ACY3: variants seen among roughly 807,000 people sequenced by gnomAD.
The protein encoded by ACY3 is N-acyl-aromatic-L-amino acid amidohydrolase (carboxylate-forming).
Under a neutral mutation model 24.6 loss-of-function variants are expected in ACY3, and 20 were observed. That is an observed-to-expected ratio of 0.81 (90% CI 0.57 to 1.18). The LOEUF (loss-of-function observed/expected upper bound fraction) is 1.18, where lower values mean the gene tolerates loss of function less well. Among genes scored for constraint, ACY3 ranks in the 50% most tolerant of loss-of-function variants. The pLI, the probability that ACY3 is intolerant of heterozygous loss-of-function variation, is 0.00. For missense variants in ACY3, 423 were observed against 426.8 expected, an observed-to-expected ratio of 0.99 and a Z score of 0.08; for synonymous variants, 174 against 188.4, an observed-to-expected ratio of 0.92 and a Z score of 0.62.
At chr11:67,648,455 T>C (rs571971725) in intron 1 of ACY3, among the ~76,000 whole-genome samples, 23 of 151,954 alleles carry the variant, frequency 1.5e-4, no homozygotes, top group Non-Finnish European at 2.9e-4. Context: ...GGCCTCTACC[T>C]CCCACCAGGC....
chr11:67,645,584 T>C (rs1591130944), intron 4 of ACY3, 108 bp downstream of exon 4: 1 of 1,392,774 alleles, frequency 7.2e-7, no homozygotes, highest in Non-Finnish European at 9.6e-7. Context: ...CAGGGGAAAC[T>C]AGGCCCGGGG....
In ACY3 at chr11:67,645,801, G is replaced by T. The variant is rs1855505570; in HGVS notation, c.323C>A (p.Ala108Asp). ...QLLGPKASGQ[A>D]FDFVLDLHNT... ...GTGCAGGTCAAGGACAAAGTCAAAG[G>T]CCTGGCCCGAGGCCTTGGGCCCCAG... Residue 108 changes from alanine (A) to aspartate (D), a missense_variant, in exon 4 of 8, where the codon GCC becomes GAC. By Grantham distance (126) the Ala-to-Asp change is moderately radical. Coordinates refer to ENST00000255082, the MANE Select transcript of ACY3 (RefSeq NM_080658.2). 1 of 1,613,894 alleles carries T rather than the reference G, an allele frequency of 6.2e-7. No homozygotes were observed. The highest frequency in any genetic ancestry group is 1.3e-5 in the African/African-American group (1 of 74,906).
rs777058561 is a variant in ACY3 at position 67,644,866 on chromosome 11, G to T, written c.638C>A (p.Thr213Lys). ...LDFIELFNQGTAFPAFEMEAY... is the reference protein window; with the variant it reads ...LDFIELFNQGKAFPAFEMEAY... Reference sequence around the variant, plus strand: ...TTCCATCTCAAAGGCAGGAAAGGCCGTACCTGTGTGGGAGGCTGGGTGTGT... The same window carrying T: ...TTCCATCTCAAAGGCAGGAAAGGCCTTACCTGTGTGGGAGGCTGGGTGTGT... The change falls in exon 7 of 8, where the codon ACG becomes AAG. Residue 213 changes from threonine (T) to lysine (K), a missense_variant. Thr to Lys is a moderately conservative substitution (Grantham distance 78). Coordinates refer to ENST00000255082, the MANE Select transcript of ACY3 (RefSeq NM_080658.2). 7 of 1,605,346 alleles carry T rather than the reference G, an allele frequency of 4.4e-6. No homozygotes were observed. The South Asian group carries it at 7.7e-5, about 18-fold the overall frequency.
At chr11:67,649,298 G>T (rs140497159) in intron 1 of ACY3, among the ~76,000 whole-genome samples, 294 of 152,328 alleles carry the variant, frequency 1.9e-3, no homozygotes, top group Non-Finnish European at 3.1e-3. Flanking sequence ...GTACCTCTCA[G>T]GAAGGAAGGG....
chr11:67,643,996 A>G (rs1327779949), intron 7 of ACY3, among the ~76,000 whole-genome samples: 3 of 152,204 alleles, frequency 2.0e-5, no homozygotes, highest in African/African-American at 7.2e-5. Context: ...TTCTGTCTCA[A>G]AAAATAATAA....
At chr11:67,645,514 G>T in intron 4 of ACY3, 134 bp from the exon 5 acceptor site, 1 of 1,236,770 alleles carries the variant, frequency 8.1e-7, no homozygotes. Flanking sequence ...TGGCAGGGTA[G>T]GGGAGGGGGT....
rs1855501791 is a variant in ACY3, at chr11:67,645,691, C to T, written c.432+1G>A. On this transcript the variant is annotated splice_donor_variant, in intron 4 of 7. Coordinates refer to ENST00000255082, the MANE Select transcript of ACY3 (RefSeq NM_080658.2). LOFTEE classifies it high-confidence loss of function. ...AGCTGTGTGCTTGGGGCCGGGGCCA[C>T]CTGCAGATGGCGGCACAGGTGCATG... is the stretch of plus-strand genomic sequence containing the variant. The T allele has an allele frequency of 6.3e-7, 1 of 1,597,984 alleles. No homozygotes were observed. The highest frequency in any genetic ancestry group is 1.3e-5 in the African/African-American group (1 of 74,608).
chr11:67,650,415 C>G (rs1379190472), intron 1 of ACY3, among the ~76,000 whole-genome samples, 168 bp downstream of exon 1: 1 of 152,314 alleles, frequency 6.6e-6, no homozygotes, highest in African/African-American at 2.4e-5. Flanking sequence ...ATAAAATCCC[C>G]TATTAAATCC....
At position 67,644,732 on chromosome 11, in the gene ACY3, CCACA is replaced by C. The variant is rs3223257; in HGVS notation, c.744+24_744+27del. On this transcript the variant is annotated intron_variant, in intron 7 of 7. Transcript: ENST00000255082. ...CTGTGGCCCCAGAAATCACCCCCCA[CCACA>C]CACACACACACACACACACACACCT... The C allele has an allele frequency of 0.014, 18,818 of 1,312,456 alleles. 1,026 individuals carry two copies. In the African/African-American group the frequency reaches 0.2, roughly 14 times the overall value. The allele number at this position is 1,312,456 out of a possible 1,614,324, so 81.3% of individuals were successfully genotyped here.
In ACY3 at chr11:67,646,879, C is replaced by CCGGATGT. The variant is rs1855527214; in HGVS notation, c.164_165insACATCCG (p.Ala56HisfsTer15). 38 of 1,612,352 alleles carry CCGGATGT rather than the reference C, an allele frequency of 2.4e-5. No homozygotes were observed. The highest frequency in any genetic ancestry group is 3.1e-5 in the Non-Finnish European group (37 of 1,179,792). On this transcript the variant is annotated frameshift_variant, in exon 3 of 8. Transcript: ENST00000255082. LOFTEE classifies it high-confidence loss of function. ...AGCGGCGGCAGCCGGATGTGGCTGC[C>CCGGATGT]GGGTTGGCCAGCACAGGCACAGCGG... is the stretch of plus-strand genomic sequence containing the variant.
At chr11:67,650,171 G>T (rs2514042) in intron 1 of ACY3, among the ~76,000 whole-genome samples, 10,346 of 152,124 alleles carry the variant, frequency 0.068, 1,194 homozygotes, top group African/African-American at 0.24. Flanking sequence ...GCATCATCAC[G>T]GGGGCCAATT....
rs778527598 is a variant in ACY3, at chr11:67,645,256, C to T, written c.526+31G>A. 7 of 1,612,458 alleles carry T rather than the reference C, an allele frequency of 4.3e-6. No homozygotes were observed. The Admixed American group carries it at 1.0e-4, about 23-fold the overall frequency. ...GACCCGCCCCTCCAGCCCTCCTGGC[C>T]CCGCCCACTTCTCAGAAGGCTGCGG... On this transcript the variant is annotated intron_variant, in intron 5 of 7. Transcript: ENST00000255082.
intron 1 of ACY3, among the ~76,000 whole-genome samples, chr11:67,649,247 C>T (rs1305827708): frequency 6.6e-6 from 1 of 152,122 alleles, no homozygotes; most frequent in Non-Finnish European, 1.5e-5. Context: ...GGAAGGCCCC[C>T]CCAACCCCCA....
chr11:67,650,048 AG>A (rs1855599718), intron 1 of ACY3, among the ~76,000 whole-genome samples: 1 of 152,202 alleles, frequency 6.6e-6, no homozygotes, highest in South Asian at 2.1e-4. Flanking sequence ...ACCCTGTGAA[AG>A]TCCTGGCCAA....
In ACY3 at chr11:67,646,859, C is replaced by A. The variant is rs151057744; in HGVS notation, c.185G>T (p.Arg62Leu). 1 of 1,612,602 alleles carries A rather than the reference C, an allele frequency of 6.2e-7. No homozygotes were observed. Among genetic ancestry groups the A allele is most frequent in the Non-Finnish European group, 8.5e-7 (1 of 1,179,820 alleles). Residue 62 changes from arginine to leucine, a missense_variant, in exon 3 of 8, where the codon CGC becomes CTC. By Grantham distance (102) the Arg-to-Leu change is moderately radical. Transcript: ENST00000255082. ...LANPAATSGC[R>L]RYVDHDLNRT... ...GTTGAGGTCATGGTCCACGTAGCGGCGGCAGCCGGATGTGGCTGCCGGGTT... is the reference window on the plus strand; with the variant it reads ...GTTGAGGTCATGGTCCACGTAGCGGAGGCAGCCGGATGTGGCTGCCGGGTT...
In ACY3 at chr11:67,645,761, G is replaced by A; in HGVS notation, c.363C>T (p.Asn121=). ...FVLDLHNTTA[N]MGTCLIAKSS... is the part of the protein sequence containing the mutation. ...ACTTCGCGATTAAGCAGGTGCCCAT[G>A]TTGGCCGTGGTGTTGTGCAGGTCAA... The change falls in exon 4 of 8, where the codon AAC becomes AAT. Residue 121 remains asparagine (N), a synonymous_variant. Coordinates refer to ENST00000255082, the MANE Select transcript of ACY3 (RefSeq NM_080658.2). 6.2e-7 allele frequency: 1 copy of A among 1,613,930 alleles called. No homozygotes were observed. The highest frequency in any genetic ancestry group is 1.3e-5 in the African/African-American group (1 of 75,034).
Position 67,644,781 on chromosome 11 carries a change from G to C in ACY3, c.723C>G (p.Gly241=), listed in dbSNP as rs1391612936. The change falls in exon 7 of 8, where the codon GGC becomes GGG. Residue 241 remains glycine (G), a synonymous_variant. Transcript: ENST00000255082. ...ACACCTGCAGCTGAGGATGCACAGT[G>C]CCTGCCAGGTGCCCGGCCTCGGTGC... ...FPRTEAGHLA[G]TVHPQLQDRD... is the part of the protein sequence containing the mutation. 4 of 1,556,546 alleles carry C rather than the reference G, an allele frequency of 2.6e-6. No individual in the cohort carries two copies. The highest frequency in any genetic ancestry group is 1.4e-5 in the African/African-American group (1 of 73,210).
intron 3 of ACY3, among the ~76,000 whole-genome samples, chr11:67,646,506 C>CA (rs1390030860): frequency 6.6e-6 from 1 of 152,234 alleles, no homozygotes. Context: ...GAGGCATGAA[C>CA]AGTGATCAGG....
At chr11:67,644,658 G>A in intron 7 of ACY3, 102 bp downstream of exon 7, 2 of 1,143,868 alleles carry the variant, frequency 1.7e-6, no homozygotes, top group Non-Finnish European at 2.5e-6. Context: ...GGGAGGCTTG[G>A]CTGCACCCCC....
Sources: gnomAD v4.1 joint callset for allele counts (sites outside exome capture counted in the v4.1 genomes callset) on GRCh38, gnomAD v4.1.1 for gene constraint, MANE v1.5 for transcripts, NCBI Gene and HGNC (gene_info 2026-07-23, HGNC 2026-07-21) for gene names.